Variants in CFAP47 observed in about 807,000 individuals in gnomAD.
The protein encoded by CFAP47 is cilia and flagella associated protein 47.
A neutral mutation model predicts 148.1 loss-of-function variants in CFAP47; 29 were observed. That is an observed-to-expected ratio of 0.20 (90% CI 0.15 to 0.27). The LOEUF is 0.27. CFAP47 is among the 10% of genes least tolerant of loss of function. The pLI, the probability that CFAP47 is intolerant of heterozygous loss-of-function variation, is 1.00. For missense variants in CFAP47, 1,872 were observed against 1,697.5 expected (o/e 1.10, Z -1.81); for synonymous variants, 664 against 577.3 (o/e 1.15, Z -2.15).
chrX:36,229,668 G>C (rs1201096073), intron 46 of CFAP47, among the ~76,000 whole-genome samples: 4 of 109,406 alleles, frequency 3.7e-5, no homozygotes, highest in Non-Finnish European at 5.7e-5. Context: ...CTGCAGGTTA[G>C]TTACATATGT....
At chrX:36,318,541 A>G (rs781806937) in intron 56 of CFAP47, among the ~76,000 whole-genome samples, 20 of 111,851 alleles carry the variant, frequency 1.8e-4, no homozygotes, top group Non-Finnish European at 3.6e-4. Flanking sequence ...ATTACTTAGA[A>G]CACCTAATAC....
chrX:36,257,424 C>CT lies in CFAP47; in HGVS notation c.7444+5994dup, dbSNP rs59252656. Among the ~76,000 whole-genome samples the CT allele has an allele frequency of 5.1e-3, 512 of 101,241 alleles. 4 individuals carry two copies. The highest frequency in any genetic ancestry group is 0.016 in the African/African-American group (449 of 28,293). The allele number at this position is 101,241 out of a possible 115,157, so 87.9% of individuals were successfully genotyped here. A position where few individuals can be genotyped will look rare whatever the true frequency, so the allele number is the denominator to read the frequency against. On this transcript the variant is annotated intron_variant, in intron 49 of 63. Coordinates refer to ENST00000378653, the MANE Select transcript of CFAP47 (RefSeq NM_001304548.2). ...AATATTTTCTTTTTCTTTTTTCTTTCTTTTTTTTTTTTTTAAATTGAGACA... is the reference window on the plus strand; with the variant it reads ...AATATTTTCTTTTTCTTTTTTCTTTCTTTTTTTTTTTTTTTAAATTGAGACA...
chrX:36,292,543 G>A (rs1377384437), intron 51 of CFAP47, among the ~76,000 whole-genome samples: 3 of 111,596 alleles, frequency 2.7e-5, no homozygotes, highest in Non-Finnish European at 3.8e-5. Context: ...ATTATCTTCC[G>A]TGAGATGGTA....
chrX:36,292,361 T>G (rs1365696598), intron 51 of CFAP47, among the ~76,000 whole-genome samples: 1 of 112,163 alleles, frequency 8.9e-6, no homozygotes, highest in Non-Finnish European at 1.9e-5. Context: ...TAATGATCAC[T>G]TCCTCTCAAT....
intron 40 of CFAP47, among the ~76,000 whole-genome samples, chrX:36,186,165 G>T (rs1474066068): frequency 3.6e-5 from 4 of 111,856 alleles, no homozygotes; most frequent in African/African-American, 1.3e-4. Context: ...TATGAACTGA[G>T]ATGTAGTATA....
At position 36,336,256 on chromosome X, in the gene CFAP47, C is replaced by G. The variant is rs201666794; in HGVS notation, c.8444-11873C>G. 2.1e-3 allele frequency among the ~76,000 whole-genome samples: 200 copies of G among 95,282 alleles called. 1 individual carries two copies. Among genetic ancestry groups the G allele is most frequent in the East Asian group, 0.017 (50 of 2,940 alleles). 82.7% of individuals were successfully genotyped at this position (95,282 alleles called of 115,157 possible). ...TCACAGACACACAGACACACACACA[C>G]ACACACACACACACACACACACACA... On this transcript the variant is annotated intron_variant, in intron 57 of 63. Transcript: ENST00000378653.
intron 6 of CFAP47, 30 bp downstream of exon 6, chrX:35,951,993 T>G (rs369730879): frequency 2.4e-5 from 27 of 1,127,985 alleles, no homozygotes; most frequent in Non-Finnish European, 3.2e-5. Flanking sequence ...ATTGTAATGT[T>G]AAATATTAAT....
chrX:36,180,303 A>G lies in CFAP47; in HGVS notation c.6104+881A>G, dbSNP rs73472858. Reference sequence around the variant, plus strand: ...CTCTGTTTTACACTATAGAATCACTATATAAAGTTAAGTACAATTAAAAAC... The same window carrying G: ...CTCTGTTTTACACTATAGAATCACTGTATAAAGTTAAGTACAATTAAAAAC... On this transcript the variant is annotated intron_variant, in intron 40 of 63. Transcript: ENST00000378653. Among the ~76,000 whole-genome samples, 436 of 112,212 alleles carry G rather than the reference A, an allele frequency of 3.9e-3. 1 individual carries two copies. The highest frequency in any genetic ancestry group is 0.013 in the African/African-American group (397 of 30,925).
At chrX:36,035,453 A>G (rs1420213207) in intron 23 of CFAP47, among the ~76,000 whole-genome samples, 1 of 111,828 alleles carries the variant, frequency 8.9e-6, no homozygotes, top group African/African-American at 3.2e-5. Context: ...TTAAGTTTAC[A>G]TAAGATCTTT....
intron 39 of CFAP47, among the ~76,000 whole-genome samples, chrX:36,168,069 C>T (rs1443483955): frequency 3.6e-5 from 4 of 110,982 alleles, no homozygotes; most frequent in Non-Finnish European, 7.5e-5. Flanking sequence ...CTTTTTAAAT[C>T]TTTTTAATCC....
intron 57 of CFAP47, among the ~76,000 whole-genome samples, chrX:36,333,347 C>G (rs1318038884): frequency 3.6e-5 from 4 of 110,635 alleles, no homozygotes; most frequent in Admixed American, 1.9e-4. Context: ...TGAACTTTCT[C>G]TATACTTTCT....
intron 16 of CFAP47, chrX:35,989,674 A>T: frequency 1.2e-6 from 1 of 841,756 alleles, no homozygotes; most frequent in East Asian, 3.5e-5. Flanking sequence ...TTTTCAGAGA[A>T]TATACTTGAT....
intron 49 of CFAP47, among the ~76,000 whole-genome samples, chrX:36,262,828 C>T (rs975933911): frequency 2.1e-4 from 23 of 111,871 alleles, no homozygotes; most frequent in Non-Finnish European, 3.8e-4. Flanking sequence ...TTTATATTCC[C>T]AACAACAGTA....
chrX:36,270,760 C>A (rs1453952775), intron 49 of CFAP47, among the ~76,000 whole-genome samples: 3 of 105,625 alleles, frequency 2.8e-5, no homozygotes, highest in African/African-American at 1.0e-4. Flanking sequence ...TATACATATT[C>A]TGGACACAAA....
At position 36,009,430 on chromosome X, in the gene CFAP47, AGTT is replaced by A. The variant is rs1212171623; in HGVS notation, c.3418-5334_3418-5332del. Among the ~76,000 whole-genome samples the A allele has an allele frequency of 6.3e-5, 7 of 111,902 alleles. No homozygotes were observed. The East Asian group carries it at 8.4e-4, about 13-fold the overall frequency. On this transcript the variant is annotated intron_variant, in intron 21 of 63. Coordinates refer to ENST00000378653, the MANE Select transcript of CFAP47 (RefSeq NM_001304548.2). Reference sequence around the variant, plus strand: ...ATTCCAGGGAAATAAGATCAAGCAAAGTTGTTGTTGTTTTTTCTTATCTATGAA... The same window carrying A: ...ATTCCAGGGAAATAAGATCAAGCAAAGTTGTTGTTTTTTCTTATCTATGAA...
chrX:36,053,414 G>A (rs1004088343), intron 26 of CFAP47, among the ~76,000 whole-genome samples: 1 of 111,605 alleles, frequency 9.0e-6, no homozygotes, highest in African/African-American at 3.3e-5. Flanking sequence ...AGTCAGTATG[G>A]TAATATTACC....
intron 2 of CFAP47, among the ~76,000 whole-genome samples, chrX:35,939,098 T>A (rs1284018691): frequency 2.7e-5 from 3 of 111,009 alleles, no homozygotes; most frequent in African/African-American, 9.8e-5. Flanking sequence ...GACCTCTTTG[T>A]TCTATTTGTA....
At chrX:36,318,283 C>T (rs1420725837) in intron 56 of CFAP47, among the ~76,000 whole-genome samples, 1 of 112,262 alleles carries the variant, frequency 8.9e-6, no homozygotes, top group African/African-American at 3.2e-5. Context: ...TAGAGCTTAT[C>T]TTTTTAATAG....
chrX:35,951,056 T>G (rs1431959941), intron 4 of CFAP47, 75 bp from the exon 5 acceptor site: 1 of 696,671 alleles, frequency 1.4e-6, no homozygotes, highest in Admixed American at 3.0e-5. Flanking sequence ...TTTGTCGAAA[T>G]GTGTGGGAGA....
Sources: allele counts gnomAD v4.1 joint callset (sites outside exome capture counted in the v4.1 genomes callset), GRCh38; gene constraint gnomAD v4.1.1; transcripts MANE v1.5; gene names NCBI Gene and HGNC (gene_info 2026-07-23, HGNC 2026-07-21).